The following CAMK1D variants were observed in gnomAD, a reference collection of about 807,000 sequenced individuals.
CAMK1D encodes the protein calcium/calmodulin-dependent protein kinase type 1D.
Under a neutral mutation model 47.7 loss-of-function variants are expected in CAMK1D, and 9 were observed. That is an observed-to-expected ratio of 0.19 (90% CI 0.11 to 0.33). The LOEUF is 0.33. CAMK1D is among the 10% of genes least tolerant of loss of function. CAMK1D has a pLI of 1.00. For synonymous variants in CAMK1D, 184 were observed against 184.9 expected (o/e 0.99, Z 0.04); for missense variants, 291 against 488.7 (o/e 0.60, Z 3.81).
chr10:12,725,491 T>C (rs1295687266), intron 3 of CAMK1D: 1 of 154,246 alleles, frequency 6.5e-6, no homozygotes, highest in Non-Finnish European at 1.5e-5. Context: ...AATATATGAA[T>C]CCAAACATGA....
intron 2 of CAMK1D, among the ~76,000 whole-genome samples, chr10:12,600,607 T>G (rs533898812): frequency 8.9e-4 from 135 of 152,370 alleles, no homozygotes; most frequent in Non-Finnish European, 1.6e-3. Context: ...CCCTGCAAGA[T>G]GTTTGCTCAG....
intron 1 of CAMK1D, among the ~76,000 whole-genome samples, chr10:12,492,345 C>A (rs1834411530): frequency 9.1e-6 from 1 of 109,880 alleles, no homozygotes; most frequent in Admixed American, 9.9e-5. Flanking sequence ...AACACCTCAT[C>A]TCAAAAAAAA....
intron 5 of CAMK1D, among the ~76,000 whole-genome samples, chr10:12,782,087 A>G (rs1448565969): frequency 6.6e-6 from 1 of 151,824 alleles, no homozygotes; most frequent in African/African-American, 2.4e-5. Flanking sequence ...CTATCCCAAC[A>G]GAAAAGATCA....
intron 10 of CAMK1D, among the ~76,000 whole-genome samples, chr10:12,828,070 C>T (rs138798843): frequency 1.3e-5 from 2 of 152,286 alleles, no homozygotes; most frequent in Non-Finnish European, 2.9e-5. Flanking sequence ...ATTCTTTATT[C>T]CTTCTTAAAA....
chr10:12,487,835 G>A (rs773541010), intron 1 of CAMK1D, among the ~76,000 whole-genome samples: 1 of 152,196 alleles, frequency 6.6e-6, no homozygotes, highest in Non-Finnish European at 1.5e-5. Context: ...AATGGGAAGT[G>A]TGGATTTGGG....
chr10:12,601,850 C>T (rs931828165), intron 2 of CAMK1D, among the ~76,000 whole-genome samples: 4 of 152,218 alleles, frequency 2.6e-5, no homozygotes, highest in Non-Finnish European at 4.4e-5. Flanking sequence ...GTCTTAGCCT[C>T]GGTAGCTCGT....
intron 7 of CAMK1D, among the ~76,000 whole-genome samples, chr10:12,815,485 G>A (rs1357274162): frequency 6.6e-6 from 1 of 152,220 alleles, no homozygotes; most frequent in Non-Finnish European, 1.5e-5. Flanking sequence ...GTTGTACAAG[G>A]CTCGCGGGAA....
At chr10:12,811,031 A>AGG (rs1349126095) in intron 6 of CAMK1D, among the ~76,000 whole-genome samples, 1 of 152,226 alleles carries the variant, frequency 6.6e-6, no homozygotes, top group Admixed American at 6.5e-5. Context: ...TCTTCCTAGA[A>AGG]GACAGACCCG....
chr10:12,350,012 C>T, intron 1 of CAMK1D, 102 bp downstream of exon 1: 3 of 496,424 alleles, frequency 6.0e-6, no homozygotes, highest in Admixed American at 4.4e-5. Context: ...GAAACCCAGC[C>T]TGTCACCGCG....
chr10:12,822,143 G>A (rs1002454721), intron 8 of CAMK1D, among the ~76,000 whole-genome samples: 9 of 152,206 alleles, frequency 5.9e-5, no homozygotes, highest in Non-Finnish European at 1.0e-4. Flanking sequence ...TTTTGTTGGC[G>A]AAGCGTGCTG....
intron 1 of CAMK1D, among the ~76,000 whole-genome samples, chr10:12,552,365 C>T (rs1007613122): frequency 2.6e-5 from 4 of 152,204 alleles, no homozygotes; most frequent in Non-Finnish European, 5.9e-5. Flanking sequence ...CACCCCATGA[C>T]CAATTAATTA....
intron 3 of CAMK1D, among the ~76,000 whole-genome samples, chr10:12,717,891 CAAA>C (rs1181845465): frequency 1.9e-5 from 1 of 52,898 alleles, no homozygotes; most frequent in Non-Finnish European, 4.0e-5. Context: ...GAGACCCTGT[CAAA>C]AAAAAAAAAA....
chr10:12,611,609 T>TTG (rs1554796845), intron 2 of CAMK1D, among the ~76,000 whole-genome samples: 1 of 124,710 alleles, frequency 8.0e-6, no homozygotes, highest in Non-Finnish European at 1.7e-5. Context: ...TTTTTTTTTT[T>TTG]GAGACAGAGT....
chr10:12,687,677 T>C (rs1832716432), intron 3 of CAMK1D, among the ~76,000 whole-genome samples: 1 of 152,208 alleles, frequency 6.6e-6, no homozygotes, highest in South Asian at 2.1e-4. Context: ...GGAGGCATCA[T>C]TTGCCCCAGT....
chr10:12,800,278 T>G (rs182585162), intron 6 of CAMK1D, among the ~76,000 whole-genome samples: 1 of 152,266 alleles, frequency 6.6e-6, no homozygotes, highest in Non-Finnish European at 1.5e-5. Flanking sequence ...TGCTAAAACC[T>G]GTTTTGGTTA....
At chr10:12,637,809 A>G (rs1421266113) in intron 2 of CAMK1D, among the ~76,000 whole-genome samples, 1 of 152,174 alleles carries the variant, frequency 6.6e-6, no homozygotes, top group Non-Finnish European at 1.5e-5. Flanking sequence ...GGGAACACCA[A>G]CCATATGGTG....
chr10:12,690,083 G>A (rs1483777235), intron 3 of CAMK1D, among the ~76,000 whole-genome samples: 1 of 152,200 alleles, frequency 6.6e-6, no homozygotes, highest in Non-Finnish European at 1.5e-5. Context: ...CTCTGTGGCT[G>A]TGGCTGGTCA....
chr10:12,619,195 C>A (rs1023140100), intron 2 of CAMK1D, among the ~76,000 whole-genome samples: 3 of 152,184 alleles, frequency 2.0e-5, no homozygotes, highest in African/African-American at 7.2e-5. Flanking sequence ...TCCAATTTCA[C>A]AGTAATCCCA....
At chr10:12,658,039 A>C (rs2132528729) in intron 2 of CAMK1D, among the ~76,000 whole-genome samples, 1 of 152,140 alleles carries the variant, frequency 6.6e-6, no homozygotes, top group East Asian at 1.9e-4. Context: ...AGTCCTAGCT[A>C]CTCGGGAGGC....
Sources: gnomAD v4.1 joint callset for allele counts (sites outside exome capture counted in the v4.1 genomes callset) on GRCh38, gnomAD v4.1.1 for gene constraint, MANE v1.5 for transcripts, NCBI Gene and HGNC (gene_info 2026-07-23, HGNC 2026-07-21) for gene names.